The following RTN4 variants were observed in gnomAD, a reference collection of about 807,000 sequenced individuals.
RTN4 encodes the protein reticulon 4, also known as reticulon-4.
RTN4 carries 32 observed loss-of-function variants against 90.4 expected under a neutral mutation model. The observed-to-expected ratio is 0.35, with a 90% CI of 0.27 to 0.48. RTN4 has a LOEUF of 0.48. Ranked by LOEUF, RTN4 falls within the 20% of genes least tolerant of loss-of-function variation. RTN4 has a pLI of 0.99. For missense variants in RTN4, 1,706 were observed against 1,430.2 expected, an observed-to-expected ratio of 1.19 and a Z score of -3.11; for synonymous variants, 629 against 552.5, an observed-to-expected ratio of 1.14 and a Z score of -1.94.
chr2:55,044,534 C>A (rs1424725263), intron 1 of RTN4, among the ~76,000 whole-genome samples: 1 of 152,012 alleles, frequency 6.6e-6, no homozygotes, highest in Non-Finnish European at 1.5e-5. Context: ...AAAAGTGAGA[C>A]CATTGTTTTT....
chr2:54,991,810 C>T (rs1679033621), intron 3 of RTN4, among the ~76,000 whole-genome samples: 1 of 152,148 alleles, frequency 6.6e-6, no homozygotes, highest in Admixed American at 6.5e-5. Flanking sequence ...AAGTACCAGA[C>T]ATTATTAAAA....
At chr2:55,094,391 CAAAG>C (rs911520480) in intron 1 of RTN4, among the ~76,000 whole-genome samples, 11 of 152,200 alleles carry the variant, frequency 7.2e-5, no homozygotes, top group Non-Finnish European at 1.3e-4. Context: ...GCCAAGCTGA[CAAAG>C]AGAGTGTTTT....
At chr2:55,044,686 C>T (rs996824177) in intron 1 of RTN4, among the ~76,000 whole-genome samples, 3 of 146,738 alleles carry the variant, frequency 2.0e-5, no homozygotes, top group East Asian at 2.0e-4. Context: ...ACTAAAATAG[C>T]ATGTTTTCTA....
chr2:55,031,813 G>A (rs1383790543), intron 1 of RTN4, among the ~76,000 whole-genome samples: 2 of 152,114 alleles, frequency 1.3e-5, no homozygotes, highest in African/African-American at 2.4e-5. Flanking sequence ...AAGGCTGTAT[G>A]GCCCACAAGC....
At chr2:54,999,564 T>C (rs1010792719) in intron 3 of RTN4, among the ~76,000 whole-genome samples, 1 of 152,126 alleles carries the variant, frequency 6.6e-6, no homozygotes, top group Non-Finnish European at 1.5e-5. Context: ...AAAGCAAATA[T>C]TAAGTTCTCT....
rs36045085 is a variant in RTN4, at chr2:55,086,497, CA to C, written c.-213-5859del. 1.0e-3 allele frequency among the ~76,000 whole-genome samples: 149 copies of C among 146,524 alleles called. 1 individual carries two copies. The highest frequency in any genetic ancestry group is 2.6e-3 in the East Asian group (13 of 4,996). On this transcript the variant is annotated intron_variant, in intron 1 of 3. Transcript: ENST00000427710. ...GCAACATAGCCTGATCTAATCTCTA[CA>C]AAAAAAAAAAAACATTTAAAAATTA...
intron 1 of RTN4, among the ~76,000 whole-genome samples, chr2:55,037,752 C>G (rs1390136692): frequency 2.0e-5 from 3 of 152,132 alleles, no homozygotes; most frequent in Non-Finnish European, 2.9e-5. Flanking sequence ...TCAATGCAAT[C>G]CCAATCAAAT....
Position 54,978,704 on chromosome 2 carries a change from T to C in RTN4, c.3360+3811A>G, listed in dbSNP as rs375436138. Among the ~76,000 whole-genome samples the C allele has an allele frequency of 7.9e-5, 12 of 152,272 alleles. No homozygotes were observed. The East Asian group carries it at 1.2e-3, about 15-fold the overall frequency. ...TGGTTTCCATTTTCCTAGCTATGAATCATATAAAATCAATGTAATTCCAAT... is the reference window on the plus strand; with the variant it reads ...TGGTTTCCATTTTCCTAGCTATGAACCATATAAAATCAATGTAATTCCAAT... On this transcript the variant is annotated intron_variant, in intron 5 of 8. Transcript: ENST00000337526.
chr2:54,992,792 G>A lies in RTN4; in HGVS notation c.3014-5094C>T, dbSNP rs557376397. Among the ~76,000 whole-genome samples the A allele has an allele frequency of 3.9e-5, 6 of 152,150 alleles. No homozygotes were observed. The South Asian group carries it at 6.2e-4, about 16-fold the overall frequency. On this transcript the variant is annotated intron_variant, in intron 3 of 8. Coordinates refer to ENST00000337526, the MANE Select transcript of RTN4 (RefSeq NM_020532.5). Reference sequence around the variant, plus strand: ...CACTTAAGAAATTAAACATATGGCCGGGCGTGGTGGCTCACGCCTGTAATC... The same window carrying A: ...CACTTAAGAAATTAAACATATGGCCAGGCGTGGTGGCTCACGCCTGTAATC...
intron 1 of RTN4, among the ~76,000 whole-genome samples, chr2:55,092,530 G>A (rs777473867): frequency 2.6e-5 from 4 of 152,094 alleles, no homozygotes; most frequent in Admixed American, 6.5e-5. Context: ...CACCGTGCCC[G>A]GCCCGAAGGA....
chr2:55,103,427 G>A (rs1189143073), intron 1 of RTN4, among the ~76,000 whole-genome samples: 2 of 151,966 alleles, frequency 1.3e-5, no homozygotes, highest in Non-Finnish European at 2.9e-5. Flanking sequence ...TAACAATACT[G>A]TATTGTACAC....
chr2:55,049,707 G>A, intron 1 of RTN4, 38 bp downstream of exon 1: 1 of 1,414,244 alleles, frequency 7.1e-7, no homozygotes, highest in South Asian at 1.5e-5. Context: ...AGGGAGGGGC[G>A]CGAGGGGCGG....
Position 54,979,365 on chromosome 2 carries a change from C to T in RTN4, c.3360+3150G>A, listed in dbSNP as rs569282194. Among the ~76,000 whole-genome samples the T allele has an allele frequency of 5.3e-5, 8 of 152,066 alleles. No individual in the cohort carries two copies. In the South Asian group the frequency reaches 6.2e-4, roughly 12 times the overall value. The stretch of plus-strand genomic sequence containing the variant: ...GAGCTACTGTGCATGGCCAGGAAAA[C>T]CTTCTTCTTTTTAAAATGCTCTCTA... On this transcript the variant is annotated intron_variant, in intron 5 of 8. Transcript: ENST00000337526.
intron 1 of RTN4, among the ~76,000 whole-genome samples, chr2:55,044,419 C>A (rs112016719): frequency 0.04 from 5,962 of 150,892 alleles, 352 homozygotes; most frequent in African/African-American, 0.13. Flanking sequence ...AACAAACAAA[C>A]AAAAAAACTT....
chr2:55,067,553 C>T (rs2105012262), intron 2 of RTN4, among the ~76,000 whole-genome samples: 1 of 152,210 alleles, frequency 6.6e-6, no homozygotes, highest in Non-Finnish European at 1.5e-5. Context: ...GCTGGGATTA[C>T]AGGCATATGC....
chr2:55,073,366 T>C (rs186300948), intron 2 of RTN4, among the ~76,000 whole-genome samples: 1 of 152,358 alleles, frequency 6.6e-6, no homozygotes, highest in East Asian at 1.9e-4. Context: ...AATAGCTTTA[T>C]AGAAGACATA....
At chr2:54,984,214 A>C (rs960687408) in intron 4 of RTN4, among the ~76,000 whole-genome samples, 10 of 152,128 alleles carry the variant, frequency 6.6e-5, no homozygotes, top group Non-Finnish European at 1.3e-4. Flanking sequence ...TAATTCTAAC[A>C]ATGCTTTCTT....
chr2:55,083,576 T>C (rs891808407), intron 1 of RTN4, among the ~76,000 whole-genome samples: 3 of 152,126 alleles, frequency 2.0e-5, no homozygotes, highest in African/African-American at 7.2e-5. Flanking sequence ...CACACACACG[T>C]ACTAGAATAA....
intron 3 of RTN4, among the ~76,000 whole-genome samples, chr2:55,013,784 C>CA (rs1160149847): frequency 2.0e-5 from 3 of 152,152 alleles, no homozygotes; most frequent in African/African-American, 7.2e-5. Context: ...TCTACTTCTG[C>CA]ACCCAGGAAA....
Sources: gnomAD v4.1 joint callset for allele counts (sites outside exome capture counted in the v4.1 genomes callset) on GRCh38, gnomAD v4.1.1 for gene constraint, MANE v1.5 for transcripts, NCBI Gene and HGNC (gene_info 2026-07-23, HGNC 2026-07-21) for gene names.